Variants in EXOC6 observed in about 807,000 individuals in gnomAD.
EXOC6 encodes the protein exocyst complex component 6, also known as SEC15-like 1.
A neutral mutation model predicts 112.5 loss-of-function variants in EXOC6; 60 were observed. That is an observed-to-expected ratio of 0.53 (90% confidence interval 0.43 to 0.66). The LOEUF is 0.66. Ranked by LOEUF, EXOC6 falls within the 30% of genes least tolerant of loss-of-function variation. The probability of loss-of-function intolerance (pLI) is 0.00; values close to 1 mark genes in which losing one functional copy is unlikely to be tolerated. For missense variants in EXOC6, 855 were observed against 957.1 expected (o/e 0.89, Z 1.41); for synonymous variants, 295 against 308.0 (o/e 0.96, Z 0.44).
At chr10:93,032,392 G>A (rs1197332710) in intron 20 of EXOC6, among the ~76,000 whole-genome samples, 2 of 152,186 alleles carry the variant, frequency 1.3e-5, no homozygotes, top group East Asian at 1.9e-4. Context: ...ATGCCTTTAC[G>A]TCAGGGGTTC....
rs189824226 is a variant in EXOC6 at position 92,852,159 on chromosome 10, T to G, written c.101+3525T>G. Among the ~76,000 whole-genome samples the G allele has an allele frequency of 5.3e-5, 8 of 152,344 alleles. No homozygotes were observed. In the East Asian group the frequency reaches 1.5e-3, roughly 29 times the overall value. ...CAAATTAGTTGAAAGATACAAAGTA[T>G]TATCAAAGTTCACTTAAGAAGAAAT... is the stretch of plus-strand genomic sequence containing the variant. On this transcript the variant is annotated intron_variant, in intron 1 of 21. Coordinates refer to ENST00000260762, the MANE Select transcript of EXOC6 (RefSeq NM_019053.6).
intron 1 of EXOC6, among the ~76,000 whole-genome samples, chr10:92,865,710 G>T (rs569123032): frequency 1.3e-5 from 2 of 151,962 alleles, no homozygotes; most frequent in Non-Finnish European, 2.9e-5. Context: ...GCCTCCCAAA[G>T]TGCTGGCCTG....
intron 18 of EXOC6, among the ~76,000 whole-genome samples, chr10:92,986,269 A>G (rs1026956467): frequency 6.6e-6 from 1 of 152,236 alleles, no homozygotes; most frequent in Non-Finnish European, 1.5e-5. Flanking sequence ...ACTTTGAAAG[A>G]TTAAAGAATG....
intron 1 of EXOC6, among the ~76,000 whole-genome samples, chr10:92,878,654 A>G (rs1346832353): frequency 6.6e-6 from 1 of 152,054 alleles, no homozygotes; most frequent in Non-Finnish European, 1.5e-5. Flanking sequence ...GTGCCAAATT[A>G]TCATTTTTAG....
In EXOC6 at chr10:92,896,171, ATATATATATATTTTTTTTTTTTTTTT is replaced by A. The variant is rs1273408490; in HGVS notation, c.412+1153_412+1178del. ...TGTATATATATATATATATATATAT[ATATATATATATTTTTTTTTTTTTTTT>A]TTTTTTTTTTTTTTTTTTTTGGCGG... On this transcript the variant is annotated intron_variant, in intron 4 of 21. Coordinates refer to ENST00000260762, the MANE Select transcript of EXOC6 (RefSeq NM_019053.6). Among the ~76,000 whole-genome samples, 59 of 25,216 alleles carry A rather than the reference ATATATATATATTTTTTTTTTTTTTTT, an allele frequency of 2.3e-3. 1 individual carries two copies. The highest frequency in any genetic ancestry group is 2.7e-3 in the Non-Finnish European group (43 of 16,162). The allele number at this position is 25,216 out of a possible 152,430, so 16.5% of individuals were successfully genotyped here.
chr10:92,887,650 C>G (rs1246360152), intron 1 of EXOC6, among the ~76,000 whole-genome samples: 1 of 152,020 alleles, frequency 6.6e-6, no homozygotes, highest in Non-Finnish European at 1.5e-5. Flanking sequence ...GGTGATCTGC[C>G]CGCCTCAGCC....
intron 20 of EXOC6, among the ~76,000 whole-genome samples, chr10:93,027,202 C>CAA (rs1290635768): frequency 6.6e-6 from 1 of 152,100 alleles, no homozygotes; most frequent in East Asian, 1.9e-4. Flanking sequence ...TAACTCTGTT[C>CAA]AATTCTATGA....
intron 8 of EXOC6, among the ~76,000 whole-genome samples, chr10:92,924,606 T>C (rs951149464): frequency 6.6e-6 from 1 of 152,246 alleles, no homozygotes; most frequent in Non-Finnish European, 1.5e-5. Context: ...GGTCATCATA[T>C]CTAATGAAAT....
intron 1 of EXOC6, among the ~76,000 whole-genome samples, chr10:92,869,926 T>A (rs1426928346): frequency 6.6e-6 from 1 of 151,118 alleles, no homozygotes; most frequent in Non-Finnish European, 1.5e-5. Flanking sequence ...TATTTCTTCA[T>A]TAGGATAGCT....
intron 12 of EXOC6, among the ~76,000 whole-genome samples, chr10:92,936,560 G>A (rs1283259517): frequency 1.3e-5 from 2 of 152,146 alleles, no homozygotes; most frequent in African/African-American, 2.4e-5. Context: ...GCGCCACTGC[G>A]CTCCCCTGGG....
intron 1 of EXOC6, among the ~76,000 whole-genome samples, chr10:92,859,821 ATGTGTGTGTG>A (rs10617958): frequency 0.22 from 31,788 of 141,562 alleles, 3,515 homozygotes; most frequent in African/African-American, 0.28. Context: ...GTTTGTGTGC[ATGTGTGTGTG>A]TGTGTGTGTG....
chr10:93,051,620 G>A (rs1846294624), intron 20 of EXOC6, among the ~76,000 whole-genome samples: 2 of 152,168 alleles, frequency 1.3e-5, no homozygotes, highest in Admixed American at 1.3e-4. Context: ...GGAAAATCCA[G>A]GTGCTTTAAA....
At chr10:92,936,702 G>T (rs1852363811) in intron 12 of EXOC6, among the ~76,000 whole-genome samples, 1 of 152,158 alleles carries the variant, frequency 6.6e-6, no homozygotes, top group South Asian at 2.1e-4. Flanking sequence ...CCGGCAAGTT[G>T]TACACCTGCT....
At chr10:92,919,551 G>A (rs991655383) in intron 7 of EXOC6, among the ~76,000 whole-genome samples, 2 of 152,092 alleles carry the variant, frequency 1.3e-5, no homozygotes, top group Non-Finnish European at 2.9e-5. Context: ...TACTGATAGT[G>A]TCTTTAATTC....
intron 8 of EXOC6, among the ~76,000 whole-genome samples, chr10:92,926,065 A>AC (rs1851701564): frequency 1.3e-5 from 2 of 151,800 alleles, no homozygotes; most frequent in African/African-American, 2.4e-5. Context: ...AAAAAAAAAA[A>AC]AACAAATGCC....
chr10:92,848,590 G>A lies in EXOC6; in HGVS notation c.57G>A (p.Gln19=), dbSNP rs1398759870. The A allele has an allele frequency of 3.4e-6, 5 of 1,454,972 alleles. No individual in the cohort carries two copies. The highest frequency in any genetic ancestry group is 4.6e-6 in the Non-Finnish European group (5 of 1,087,138). The allele number at this position is 1,454,972 out of a possible 1,614,324, so 90.1% of individuals were successfully genotyped here. A position where few individuals can be genotyped will look rare whatever the true frequency, so the allele number is the denominator to read the frequency against. The change falls in exon 1 of 22, where the codon CAG becomes CAA. Residue 19 remains glutamine (Q), a synonymous_variant. Transcript: ENST00000260762. The part of the protein sequence containing the change: ...GTVPEHERIL[Q]EIESTDTACV... ...TCCCCGAGCACGAGCGGATCTTGCA[G>A]GAGATCGAGAGCACCGACACCGCCT...
chr10:93,017,823 A>T (rs1176562290), intron 20 of EXOC6, among the ~76,000 whole-genome samples: 2 of 152,164 alleles, frequency 1.3e-5, no homozygotes, highest in African/African-American at 4.8e-5. Context: ...CGTCCTGGCT[A>T]ACACAGTGAA....
At chr10:92,848,677 G>T in intron 1 of EXOC6, 43 bp downstream of exon 1, 2 of 1,292,548 alleles carry the variant, frequency 1.5e-6, no homozygotes, top group Non-Finnish European at 1.0e-6. Context: ...CCCGCCCCAC[G>T]CCGGCCGCTC....
chr10:93,020,727 T>C (rs955645461), intron 20 of EXOC6, among the ~76,000 whole-genome samples: 1 of 152,116 alleles, frequency 6.6e-6, no homozygotes, highest in African/African-American at 2.4e-5. Flanking sequence ...ACTCAGCTTT[T>C]AATATGTGAA....
Sources: allele counts gnomAD v4.1 joint callset (sites outside exome capture counted in the v4.1 genomes callset), GRCh38; gene constraint gnomAD v4.1.1; transcripts MANE v1.5; gene names NCBI Gene and HGNC (gene_info 2026-07-23, HGNC 2026-07-21).